The following RANBP2 variants were observed in gnomAD, a reference collection of about 807,000 sequenced individuals.
The protein encoded by RANBP2 is E3 SUMO-protein ligase RanBP2.
In RANBP2, 57 loss-of-function variants were observed where a neutral mutation model predicts 303.6. The ratio of observed to expected loss-of-function variants is 0.19; its 90% CI spans 0.15 to 0.23. RANBP2 has a LOEUF of 0.23. Among genes scored for constraint, RANBP2 ranks in the 10% least tolerant of loss-of-function variants. The pLI, the probability that RANBP2 is intolerant of heterozygous loss-of-function variation, is 1.00. For synonymous variants in RANBP2, 1,167 were observed against 1,301.5 expected, an observed-to-expected ratio of 0.90 and a Z score of 2.23; for missense variants, 3,138 against 3,780.8, an observed-to-expected ratio of 0.83 and a Z score of 4.46.
the RANBP2 span, among the ~76,000 whole-genome samples, chr2:109,001,916 G>A: frequency 1.3e-5 from 2 of 151,904 alleles, no homozygotes; most frequent in African/African-American, 4.8e-5. Flanking sequence ...ATTTTTAGTA[G>A]AGACAGGGTT....
chr2:109,534,126 C>T, the RANBP2 span, among the ~76,000 whole-genome samples: 1 of 152,220 alleles, frequency 6.6e-6, no homozygotes, highest in South Asian at 2.1e-4. Flanking sequence ...TGCCTGGAGA[C>T]CTCATTTCTG....
chr2:109,300,334 C>A, the RANBP2 span, among the ~76,000 whole-genome samples: 8 of 152,142 alleles, frequency 5.3e-5, no homozygotes, highest in Non-Finnish European at 1.0e-4. Context: ...CGCACGCCAC[C>A]ATGTCTGGCT....
At chr2:109,380,244 G>A in the RANBP2 span, among the ~76,000 whole-genome samples, 2 of 152,126 alleles carry the variant, frequency 1.3e-5, no homozygotes, top group African/African-American at 4.8e-5. Flanking sequence ...TGAGGTCTTC[G>A]TGAAATTAAC....
the RANBP2 span, among the ~76,000 whole-genome samples, chr2:109,242,420 C>T: frequency 6.6e-6 from 1 of 152,138 alleles, no homozygotes; most frequent in Non-Finnish European, 1.5e-5. Context: ...TAGAGCAGCC[C>T]GTGCCTAGAG....
chr2:109,393,492 T>A, the RANBP2 span, among the ~76,000 whole-genome samples: 1 of 152,198 alleles, frequency 6.6e-6, no homozygotes, highest in African/African-American at 2.4e-5. Context: ...AGAAACTCTT[T>A]CAGAGCAGGT....
chr2:109,733,621 GGTGGT>G, the RANBP2 span, among the ~76,000 whole-genome samples: 3 of 152,100 alleles, frequency 2.0e-5, no homozygotes, highest in Non-Finnish European at 4.4e-5. Context: ...GTGAGGCCAA[GGTGGT>G]TGGATCCTTT....
chr2:109,696,674 A>G, the RANBP2 span, among the ~76,000 whole-genome samples: 1 of 152,244 alleles, frequency 6.6e-6, no homozygotes, highest in Non-Finnish European at 1.5e-5. Context: ...AAACCTGCTG[A>G]GATTTTATCG....
chr2:109,003,583 G>C, the RANBP2 span, among the ~76,000 whole-genome samples: 1 of 151,866 alleles, frequency 6.6e-6, no homozygotes, highest in African/African-American at 2.4e-5. Context: ...GCTAATTTTT[G>C]TATTTTTAGT....
chr2:109,497,441 A>G, the RANBP2 span, among the ~76,000 whole-genome samples: 1 of 152,206 alleles, frequency 6.6e-6, no homozygotes, highest in African/African-American at 2.4e-5. Context: ...ATAATAATGG[A>G]ATGAGAATTC....
the RANBP2 span, among the ~76,000 whole-genome samples, chr2:108,920,553 C>A: frequency 6.6e-6 from 1 of 152,092 alleles, no homozygotes; most frequent in African/African-American, 2.4e-5. Context: ...CAGGGCTCCA[C>A]AGTATTGCAG....
chr2:109,259,835 G>A, the RANBP2 span, among the ~76,000 whole-genome samples: 1 of 152,152 alleles, frequency 6.6e-6, no homozygotes, highest in African/African-American at 2.4e-5. Context: ...GGCTCTGAGA[G>A]CATCTGGTGT....
At chr2:108,775,535 C>G (rs945902061) in intron 23 of RANBP2, among the ~76,000 whole-genome samples, 197 bp from the exon 24 acceptor site, 17 of 152,254 alleles carry the variant, frequency 1.1e-4, no homozygotes, top group African/African-American at 4.1e-4. Flanking sequence ...ATCCACCTTT[C>G]TAAGGCTTCT....
At chr2:109,013,221 A>G in the RANBP2 span, among the ~76,000 whole-genome samples, 1 of 152,224 alleles carries the variant, frequency 6.6e-6, no homozygotes, top group Non-Finnish European at 1.5e-5. Context: ...CAATAAGGAC[A>G]TCCGCTTCCT....
At chr2:108,893,696 C>T in the RANBP2 span, among the ~76,000 whole-genome samples, 110,597 of 151,996 alleles carry the variant, frequency 0.73, 43,022 homozygotes, top group East Asian at 0.95. Flanking sequence ...ACTGAAAAAA[C>T]GAAAACCTTG....
At chr2:109,521,023 A>C in the RANBP2 span, among the ~76,000 whole-genome samples, 1 of 149,430 alleles carries the variant, frequency 6.7e-6, no homozygotes. Context: ...AGGTCAGGAG[A>C]TCGAGACCAC....
chr2:109,493,694 CACACACCATACAT>C, the RANBP2 span, among the ~76,000 whole-genome samples: 14 of 151,740 alleles, frequency 9.2e-5, no homozygotes, highest in South Asian at 2.9e-3. Flanking sequence ...ATACACACAC[CACACACCATACAT>C]ACACACCATA....
chr2:109,401,520 A>G, the RANBP2 span, among the ~76,000 whole-genome samples: 1 of 152,342 alleles, frequency 6.6e-6, no homozygotes, highest in African/African-American at 2.4e-5. Context: ...TATCCTGACA[A>G]GTATCTGGCC....
the RANBP2 span, among the ~76,000 whole-genome samples, chr2:108,988,135 G>A: frequency 6.6e-5 from 10 of 152,202 alleles, no homozygotes; most frequent in African/African-American, 9.7e-5. Flanking sequence ...CCCACTGACC[G>A]GCATCTGCCC....
the RANBP2 span, among the ~76,000 whole-genome samples, chr2:108,795,972 G>A: frequency 5.9e-5 from 9 of 152,302 alleles, no homozygotes; most frequent in African/African-American, 2.2e-4. Context: ...ATCATTTGTA[G>A]CAAACAAAGA....
Sources: gnomAD v4.1 joint callset for allele counts (sites outside exome capture counted in the v4.1 genomes callset) on GRCh38, gnomAD v4.1.1 for gene constraint, MANE v1.5 for transcripts, NCBI Gene and HGNC (gene_info 2026-07-23, HGNC 2026-07-21) for gene names.